MAGOH: variants seen among roughly 807,000 people sequenced by gnomAD.
MAGOH encodes protein mago nashi homolog.
Under a neutral mutation model 20.9 loss-of-function variants are expected in MAGOH, and 3 were observed. The ratio of observed to expected loss-of-function variants is 0.14; its 90% confidence interval spans 0.07 to 0.37. The LOEUF (loss-of-function observed/expected upper bound fraction) is 0.37. Among genes scored for constraint, MAGOH ranks in the 10% least tolerant of loss-of-function variants. MAGOH has a pLI of 1.00. For missense variants in MAGOH, 66 were observed against 178.1 expected (o/e 0.37, Z 3.58); for synonymous variants, 51 against 61.0 (o/e 0.84, Z 0.76).
At chr1:53,227,685 C>G (rs949790364) in intron 4 of MAGOH, among the ~76,000 whole-genome samples, 5 of 152,036 alleles carry the variant, frequency 3.3e-5, no homozygotes, top group African/African-American at 1.2e-4. Flanking sequence ...GGATTACAGG[C>G]ATGCACCACG....
intron 1 of MAGOH, among the ~76,000 whole-genome samples, chr1:53,237,673 CAAAAA>C (rs1231950502): frequency 5.4e-5 from 3 of 55,330 alleles, no homozygotes; most frequent in East Asian, 6.8e-4. Context: ...AAAGCCGTCT[CAAAAA>C]AAAAAAAAAA....
At chr1:53,238,327 T>TC (rs1645627175) in intron 1 of MAGOH, 34 bp downstream of exon 1, 18 of 1,609,196 alleles carry the variant, frequency 1.1e-5, no homozygotes, top group Non-Finnish European at 1.4e-5. Flanking sequence ...CCAGGCCTGG[T>TC]CCCCGCTCCC....
intron 2 of MAGOH, among the ~76,000 whole-genome samples, chr1:53,234,511 C>A (rs1054874941): frequency 1.3e-5 from 2 of 151,552 alleles, no homozygotes; most frequent in African/African-American, 2.4e-5. Context: ...GTAGCTGGGA[C>A]TACAGGCACC....
Position 53,233,692 on chromosome 1 carries a change from T to C in MAGOH, c.148-40A>G, listed in dbSNP as rs74086819. 727 of 1,284,134 alleles carry C rather than the reference T, an allele frequency of 5.7e-4. 2 individuals carry two copies. The African/African-American group carries it at 9.6e-3, about 17-fold the overall frequency. The allele number at this position is 1,284,134 out of a possible 1,614,324, so 79.5% of individuals were successfully genotyped here. On this transcript the variant is annotated intron_variant, in intron 2 of 4. Coordinates refer to ENST00000371470, the MANE Select transcript of MAGOH (RefSeq NM_002370.4). ...AAAAACAAAATGTATGTTGTATCCTTAAGCAGTGCTTTGACTCAGATAGTG... is the reference window on the plus strand; with the variant it reads ...AAAAACAAAATGTATGTTGTATCCTCAAGCAGTGCTTTGACTCAGATAGTG...
At position 53,238,485 on chromosome 1, in the gene MAGOH, G is replaced by A. The variant is rs972326622; in HGVS notation, c.-37C>T. ...GACAACCGAGCCTGAACTTCCAAGA[G>A]CAAGCCGCACTGCCGCCGTCTGCGC... On this transcript the variant is annotated 5_prime_UTR_variant, in exon 1 of 5. Coordinates refer to ENST00000371470, the MANE Select transcript of MAGOH (RefSeq NM_002370.4). 1 of 1,588,986 alleles carries A rather than the reference G, an allele frequency of 6.3e-7. No homozygotes were observed. Among genetic ancestry groups the A allele is most frequent in the Non-Finnish European group, 8.6e-7 (1 of 1,157,262 alleles).
Position 53,233,732 on chromosome 1 carries a change from T to G in MAGOH, c.148-80A>C. Reference sequence around the variant, plus strand: ...CTCAGATAGTGATGGAAGATAAAAATAACTGTTCCTGCAGACTTATTTCTG... The same window carrying G: ...CTCAGATAGTGATGGAAGATAAAAAGAACTGTTCCTGCAGACTTATTTCTG... On this transcript the variant is annotated intron_variant, in intron 2 of 4. Coordinates refer to ENST00000371470, the MANE Select transcript of MAGOH (RefSeq NM_002370.4). 3 of 903,004 alleles carry G rather than the reference T, an allele frequency of 3.3e-6. No individual in the cohort carries two copies. The Admixed American group carries it at 5.9e-5, about 18-fold the overall frequency. The allele number at this position is 903,004 out of a possible 1,614,324, so 55.9% of individuals were successfully genotyped here.
chr1:53,233,172 A>T (rs1039121019), intron 3 of MAGOH: 9 of 162,242 alleles, frequency 5.5e-5, no homozygotes, highest in Non-Finnish European at 1.1e-4. Context: ...CAAGAGGAAA[A>T]ACAAGGAAAT....
intron 3 of MAGOH, among the ~76,000 whole-genome samples, chr1:53,229,681 G>A (rs1645576910): frequency 6.6e-6 from 1 of 152,182 alleles, no homozygotes; most frequent in Non-Finnish European, 1.5e-5. Context: ...CAGTTTGGGA[G>A]GCCAATGCAG....
chr1:53,238,489 G>T lies in MAGOH; in HGVS notation c.-41C>A. 6.4e-7 allele frequency: 1 copy of T among 1,556,660 alleles called. No homozygotes were observed. Among genetic ancestry groups the T allele is most frequent in the Non-Finnish European group, 8.9e-7 (1 of 1,127,894 alleles). On this transcript the variant is annotated 5_prime_UTR_variant, in exon 1 of 5. Transcript: ENST00000371470. ...ACCGAGCCTGAACTTCCAAGAGCAAGCCGCACTGCCGCCGTCTGCGCCCGA... is the reference window on the plus strand; with the variant it reads ...ACCGAGCCTGAACTTCCAAGAGCAATCCGCACTGCCGCCGTCTGCGCCCGA...
rs1193524533 is a variant in MAGOH at position 53,230,276 on chromosome 1, A to T, written c.259-1322T>A. 2.0e-5 allele frequency among the ~76,000 whole-genome samples: 3 copies of T among 152,222 alleles called. No individual in the cohort carries two copies. The East Asian group carries it at 5.8e-4, about 29-fold the overall frequency. ...AAACTGAGATGTTTCCAATACTCAGATTTATAAATTATTGCCATACTTGTG... is the reference window on the plus strand; with the variant it reads ...AAACTGAGATGTTTCCAATACTCAGTTTTATAAATTATTGCCATACTTGTG... On this transcript the variant is annotated intron_variant, in intron 3 of 4. Coordinates refer to ENST00000371470, the MANE Select transcript of MAGOH (RefSeq NM_002370.4).
intron 3 of MAGOH, among the ~76,000 whole-genome samples, chr1:53,232,875 C>T (rs539878013): frequency 2.0e-5 from 3 of 152,296 alleles, no homozygotes; most frequent in South Asian, 2.1e-4. Context: ...GTAAGGCAGG[C>T]GGATCACCTG....
intron 3 of MAGOH, among the ~76,000 whole-genome samples, chr1:53,230,219 C>T (rs935281058): frequency 6.6e-6 from 1 of 152,102 alleles, no homozygotes; most frequent in African/African-American, 2.4e-5. Flanking sequence ...TTCATATATC[C>T]TTTTTGTTAT....
chr1:53,233,452 G>A (rs900509425), intron 3 of MAGOH, 90 bp downstream of exon 3: 1 of 799,984 alleles, frequency 1.3e-6, no homozygotes, highest in African/African-American at 1.7e-5. Flanking sequence ...TAGTAAGTGA[G>A]ATAGGCAACA....
chr1:53,233,047 G>C (rs2100305646), intron 3 of MAGOH: 1 of 152,926 alleles, frequency 6.5e-6, no homozygotes, highest in African/African-American at 2.4e-5. Flanking sequence ...GTTACAGTGA[G>C]CTGAGATTAT....
At position 53,228,957 on chromosome 1, in the gene MAGOH, A is replaced by G; in HGVS notation, c.259-3T>C. The G allele has an allele frequency of 6.2e-7, 1 of 1,605,166 alleles. No individual in the cohort carries two copies. The highest frequency in any genetic ancestry group is 2.2e-5 in the East Asian group (1 of 44,822). ...TCTCCAATGACGATTTCAAGCTCCT[A>G]GAAACATTTTAGAAAATCGAAGTCA... On this transcript the variant is annotated splice_region_variant and splice_polypyrimidine_tract_variant and intron_variant, in intron 3 of 4. Coordinates refer to ENST00000371470, the MANE Select transcript of MAGOH (RefSeq NM_002370.4).
intron 1 of MAGOH, among the ~76,000 whole-genome samples, chr1:53,237,606 G>A (rs528071119): frequency 1.3e-3 from 188 of 146,478 alleles, no homozygotes; most frequent in African/African-American, 4.4e-3. Flanking sequence ...CCCGGGAGGC[G>A]GAGGTTGCAA....
intron 3 of MAGOH, among the ~76,000 whole-genome samples, chr1:53,229,322 C>G (rs1219480686): frequency 6.6e-6 from 1 of 152,054 alleles, no homozygotes; most frequent in Non-Finnish European, 1.5e-5. Flanking sequence ...CCTCAGCTTC[C>G]TGAGTGGCTG....
intron 3 of MAGOH, among the ~76,000 whole-genome samples, chr1:53,230,226 T>C (rs1256749060): frequency 6.6e-6 from 1 of 152,220 alleles, no homozygotes; most frequent in African/African-American, 2.4e-5. Context: ...ATCCTTTTTG[T>C]TATAATTCAA....
intron 1 of MAGOH, among the ~76,000 whole-genome samples, chr1:53,235,969 C>T (rs931634312): frequency 2.6e-5 from 4 of 152,224 alleles, no homozygotes; most frequent in Non-Finnish European, 5.9e-5. Context: ...AACTTACCGA[C>T]ACATAGGACC....
Sources: allele counts gnomAD v4.1 joint callset (sites outside exome capture counted in the v4.1 genomes callset), GRCh38; gene constraint gnomAD v4.1.1; transcripts MANE v1.5; gene names NCBI Gene and HGNC (gene_info 2026-07-23, HGNC 2026-07-21).